Variants in ATRNL1 observed in about 807,000 individuals in gnomAD.
The protein encoded by ATRNL1 is attractin-like protein 1.
ATRNL1 carries 95 observed loss-of-function variants against 182.7 expected under a neutral mutation model. The observed-to-expected ratio is 0.52, with a 90% confidence interval of 0.44 to 0.62. ATRNL1 has a LOEUF of 0.62. Among genes scored for constraint, ATRNL1 ranks in the 20% least tolerant of loss-of-function variants. ATRNL1 has a pLI of 0.00. For synonymous variants in ATRNL1, 576 were observed against 568.3 expected (o/e 1.01, Z -0.19); for missense variants, 1,471 against 1,679.5 (o/e 0.88, Z 2.17).
chr10:115,348,666 A>G (rs955960668), intron 19 of ATRNL1, among the ~76,000 whole-genome samples: 1 of 152,164 alleles, frequency 6.6e-6, no homozygotes, highest in South Asian at 2.1e-4. Flanking sequence ...TGCCTAATAA[A>G]TGCAAGGAAC....
At chr10:115,315,887 C>CTA (rs1343517411) in intron 18 of ATRNL1, 151 bp downstream of exon 18, 104 of 637,936 alleles carry the variant, frequency 1.6e-4, no homozygotes, top group African/African-American at 1.6e-3. Context: ...ATTCCATAGA[C>CTA]TATATCTATC....
At chr10:115,467,353 G>C in intron 23 of ATRNL1, 101 bp downstream of exon 23, 2 of 744,082 alleles carry the variant, frequency 2.7e-6, no homozygotes, top group South Asian at 4.7e-5. Context: ...TTTTAAAAAT[G>C]TTATATGACA....
chr10:115,106,855 C>G (rs1844035230), intron 1 of ATRNL1, among the ~76,000 whole-genome samples: 7 of 152,076 alleles, frequency 4.6e-5, no homozygotes. Flanking sequence ...GACTAATACA[C>G]TTGGTAATTT....
intron 6 of ATRNL1, among the ~76,000 whole-genome samples, chr10:115,160,814 G>T (rs1423851542): frequency 6.6e-6 from 1 of 151,816 alleles, no homozygotes; most frequent in Non-Finnish European, 1.5e-5. Context: ...AGGAAATAGG[G>T]AGAATCATTT....
intron 27 of ATRNL1, among the ~76,000 whole-genome samples, chr10:115,747,381 G>A (rs1378706010): frequency 2.0e-5 from 3 of 152,076 alleles, no homozygotes; most frequent in African/African-American, 7.2e-5. Flanking sequence ...AAGAAAGAAA[G>A]GCAATCAAGA....
At chr10:115,626,151 C>T (rs1370945682) in intron 26 of ATRNL1, among the ~76,000 whole-genome samples, 1 of 152,206 alleles carries the variant, frequency 6.6e-6, no homozygotes, top group Non-Finnish European at 1.5e-5. Context: ...ATAACACACA[C>T]ACTCATATAC....
intron 28 of ATRNL1, among the ~76,000 whole-genome samples, chr10:115,902,312 G>T (rs1185518870): frequency 6.6e-6 from 1 of 151,882 alleles, no homozygotes; most frequent in Admixed American, 6.6e-5. Context: ...TATGTGTTTG[G>T]TTCCTAGCTA....
intron 24 of ATRNL1, among the ~76,000 whole-genome samples, chr10:115,488,036 G>C (rs149112471): frequency 1.3e-5 from 2 of 152,226 alleles, no homozygotes; most frequent in Admixed American, 1.3e-4. Context: ...ATTGATTTGC[G>C]TATGTTGAAC....
chr10:115,159,518 T>C (rs2143990779), intron 5 of ATRNL1, among the ~76,000 whole-genome samples: 1 of 151,666 alleles, frequency 6.6e-6, no homozygotes, highest in Non-Finnish European at 1.5e-5. Context: ...TCCTTAATAA[T>C]GCTAAAAAAA....
intron 26 of ATRNL1, among the ~76,000 whole-genome samples, chr10:115,634,710 A>G (rs1555027439): frequency 6.6e-6 from 1 of 152,152 alleles, no homozygotes; most frequent in Admixed American, 6.5e-5. Flanking sequence ...ATGATTTTTT[A>G]CTGGATAAAA....
intron 17 of ATRNL1, among the ~76,000 whole-genome samples, chr10:115,306,997 A>G (rs782706505): frequency 6.6e-6 from 1 of 152,352 alleles, no homozygotes; most frequent in Non-Finnish European, 1.5e-5. Context: ...CTAGGCAAGC[A>G]TAAGTCAGGT....
At chr10:115,125,117 G>T (rs757361999) in intron 3 of ATRNL1, among the ~76,000 whole-genome samples, 2 of 152,160 alleles carry the variant, frequency 1.3e-5, no homozygotes, top group African/African-American at 2.4e-5. Context: ...TAACTTGATT[G>T]TAGGAACTGT....
chr10:115,618,884 G>T (rs1555021705), intron 26 of ATRNL1, among the ~76,000 whole-genome samples: 1 of 152,058 alleles, frequency 6.6e-6, no homozygotes. Flanking sequence ...ATGTTTCTTT[G>T]CTCTTTAGGG....
At chr10:115,697,567 C>T (rs1323887605) in intron 26 of ATRNL1, among the ~76,000 whole-genome samples, 12 of 152,248 alleles carry the variant, frequency 7.9e-5, no homozygotes, top group African/African-American at 2.6e-4. Flanking sequence ...CTCAAGTGAT[C>T]CACCTGCCTT....
intron 5 of ATRNL1, among the ~76,000 whole-genome samples, chr10:115,154,971 T>C (rs1846435994): frequency 6.6e-6 from 1 of 152,216 alleles, no homozygotes; most frequent in Non-Finnish European, 1.5e-5. Flanking sequence ...TTGCTTTATA[T>C]GTCTAGGTGC....
rs17093395 is a variant in ATRNL1 at position 115,645,401 on chromosome 10, C to G, written c.3796-81847C>G. ...GTTCCTCCTCTACACTGTTCCTATTCCATTCTCAATGGGAGATATATATAT... is the reference window on the plus strand; with the variant it reads ...GTTCCTCCTCTACACTGTTCCTATTGCATTCTCAATGGGAGATATATATAT... On this transcript the variant is annotated intron_variant, in intron 26 of 28. Coordinates refer to ENST00000355044, the MANE Select transcript of ATRNL1 (RefSeq NM_207303.4). 2.9e-4 allele frequency among the ~76,000 whole-genome samples: 43 copies of G among 147,748 alleles called. No individual in the cohort carries two copies. In the East Asian group the frequency reaches 7.4e-3, roughly 26 times the overall value.
chr10:115,632,864 T>TTTTTATTTTATTTTATTTTA (rs10530158), intron 26 of ATRNL1, among the ~76,000 whole-genome samples: 3,950 of 136,532 alleles, frequency 0.029, 126 homozygotes, highest in African/African-American at 0.04. Context: ...TCACATTAAC[T>TTTTTATTTTATTTTATTTTA]TTTTATTTTA....
chr10:115,563,408 G>A (rs1164712207), intron 26 of ATRNL1, among the ~76,000 whole-genome samples: 1 of 152,242 alleles, frequency 6.6e-6, no homozygotes, highest in East Asian at 1.9e-4. Flanking sequence ...CATCCGTGCT[G>A]AGCAATTCTC....
intron 24 of ATRNL1, among the ~76,000 whole-genome samples, chr10:115,483,083 G>T (rs1030632274): frequency 6.6e-6 from 1 of 151,220 alleles, no homozygotes; most frequent in Admixed American, 6.6e-5. Flanking sequence ...AATTATAAAT[G>T]AAAATTATTA....
Sources: allele counts gnomAD v4.1 joint callset (sites outside exome capture counted in the v4.1 genomes callset), GRCh38; gene constraint gnomAD v4.1.1; transcripts MANE v1.5; gene names NCBI Gene and HGNC (gene_info 2026-07-23, HGNC 2026-07-21).